DMD: variants seen among roughly 807,000 people sequenced by gnomAD.
The protein encoded by DMD is dystrophin, also known as mutant dystrophin.
Under a neutral mutation model 330.1 loss-of-function variants are expected in DMD, and 63 were observed. The ratio of observed to expected loss-of-function variants is 0.19; its 90% confidence interval spans 0.16 to 0.24. The LOEUF (loss-of-function observed/expected upper bound fraction) is 0.24. Ranked by LOEUF, DMD falls within the 10% of genes least tolerant of loss-of-function variation. The pLI is 1.00. For missense variants in DMD, 3,344 were observed against 2,684.1 expected (o/e 1.25, Z -5.43); for synonymous variants, 1,223 against 959.8 (o/e 1.27, Z -5.07).
chrX:33,163,632 C>CTATGTATCTATG lies in DMD; in HGVS notation c.31+47649_31+47650insCATAGATACATA, dbSNP rs1557282418. Among the ~76,000 whole-genome samples, 7 of 104,048 alleles carry CTATGTATCTATG rather than the reference C, an allele frequency of 6.7e-5. No homozygotes were observed. The East Asian group carries it at 2.1e-3, about 31-fold the overall frequency. 90.4% of individuals were successfully genotyped at this position (104,048 alleles called of 115,157 possible). ...TCTATATCTATCTCTATCTATCTATCTATCTATCTATCTATCTATCTATCT... is the reference window on the plus strand; with the variant it reads ...TCTATATCTATCTCTATCTATCTATCTATGTATCTATGTATCTATCTATCTATCTATCTATCT... On this transcript the variant is annotated intron_variant, in intron 1 of 78. Transcript: ENST00000357033.
chrX:32,142,163 C>T (rs2096756887), intron 44 of DMD, among the ~76,000 whole-genome samples: 1 of 110,992 alleles, frequency 9.0e-6, no homozygotes, highest in African/African-American at 3.3e-5. Context: ...GAGAGGATTA[C>T]CTACCCAAAG....
intron 1 of DMD, among the ~76,000 whole-genome samples, chrX:33,119,134 T>C (rs1293644999): frequency 8.9e-6 from 1 of 112,676 alleles, no homozygotes; most frequent in Admixed American, 9.4e-5. Flanking sequence ...CCTTGAACTT[T>C]ATTGAACATC....
intron 60 of DMD, among the ~76,000 whole-genome samples, chrX:31,381,714 T>C (rs368706330): frequency 1.8e-5 from 2 of 112,084 alleles, no homozygotes; most frequent in East Asian, 5.7e-4. Flanking sequence ...CCACCAGGCC[T>C]AATGGCCACA....
rs140576397 is a variant in DMD at position 33,114,815 on chromosome X, A to G, written c.32-94615T>C. Among the ~76,000 whole-genome samples the G allele has an allele frequency of 2.5e-3, 280 of 112,201 alleles. 7 individuals are homozygous for G. In the East Asian group the frequency reaches 0.073, roughly 29 times the overall value. ...GTGTTTAACACTTTGATAACTCACC[A>G]TACAGAAGTATAGCCTCAGTGTTCC... is the stretch of plus-strand genomic sequence containing the variant. On this transcript the variant is annotated intron_variant, in intron 1 of 78. Transcript: ENST00000357033.
chrX:31,859,920 G>A (rs2952923), intron 48 of DMD, among the ~76,000 whole-genome samples: 47,087 of 110,474 alleles, frequency 0.43, 7,822 homozygotes, highest in African/African-American at 0.58. Context: ...TTTCTGCACC[G>A]CGTTCTGTCT....
chrX:32,664,560 A>C (rs2061182580), intron 9 of DMD, among the ~76,000 whole-genome samples: 1 of 111,753 alleles, frequency 8.9e-6, no homozygotes, highest in Non-Finnish European at 1.9e-5. Flanking sequence ...ATAGTTTTCT[A>C]ATCAACAACA....
chrX:32,870,816 A>G (rs1403494569), intron 2 of DMD, among the ~76,000 whole-genome samples: 1 of 110,439 alleles, frequency 9.1e-6, no homozygotes, highest in Non-Finnish European at 1.9e-5. Flanking sequence ...CACTAACTAT[A>G]AAAACCCTGT....
intron 43 of DMD, among the ~76,000 whole-genome samples, chrX:32,236,130 G>A (rs1040041164): frequency 2.1e-4 from 23 of 111,632 alleles, no homozygotes; most frequent in African/African-American, 4.2e-4. Context: ...TTTAAAGACC[G>A]GTGAAGTGCT....
chrX:32,405,083 T>C (rs1464024915), intron 30 of DMD, among the ~76,000 whole-genome samples: 1 of 111,540 alleles, frequency 9.0e-6, no homozygotes. Flanking sequence ...GAAAATGTCG[T>C]ATGAAAAATA....
intron 1 of DMD, among the ~76,000 whole-genome samples, chrX:33,053,400 C>T (rs1226402375): frequency 9.1e-6 from 1 of 110,217 alleles, no homozygotes; most frequent in African/African-American, 3.3e-5. Context: ...TCGAGACCAG[C>T]CTGGCCAATA....
intron 11 of DMD, among the ~76,000 whole-genome samples, chrX:32,638,554 C>G (rs916639586): frequency 1.5e-4 from 17 of 111,689 alleles, no homozygotes; most frequent in African/African-American, 4.9e-4. Context: ...GACGCTGATG[C>G]TACTGGTCCT....
At chrX:32,944,788 T>C (rs1453159949) in intron 2 of DMD, among the ~76,000 whole-genome samples, 1 of 109,742 alleles carries the variant, frequency 9.1e-6, no homozygotes, top group African/African-American at 3.3e-5. Context: ...TATTTTTAAG[T>C]AGAGGCTGGG....
chrX:33,283,651 T>TA (rs2053377312), intron 1 of DMD, among the ~76,000 whole-genome samples: 1 of 111,322 alleles, frequency 9.0e-6, no homozygotes, highest in Non-Finnish European at 1.9e-5. Flanking sequence ...GTGCCGACAA[T>TA]AAAAATATCT....
intron 11 of DMD, among the ~76,000 whole-genome samples, chrX:32,632,542 G>A (rs1355826287): frequency 8.9e-6 from 1 of 112,636 alleles, no homozygotes; most frequent in Non-Finnish European, 1.9e-5. Flanking sequence ...TGCCCCTGGA[G>A]CAGGCTTCTG....
chrX:33,057,847 C>T (rs1569552082), intron 1 of DMD, among the ~76,000 whole-genome samples: 1 of 111,138 alleles, frequency 9.0e-6, no homozygotes, highest in Non-Finnish European at 1.9e-5. Flanking sequence ...TATAATATTC[C>T]ACGGATATAC....
intron 74 of DMD, among the ~76,000 whole-genome samples, chrX:31,162,356 TAAAAAAAAAA>T (rs57908991): frequency 4.0e-5 from 2 of 50,608 alleles, no homozygotes; most frequent in Admixed American, 2.9e-4. Flanking sequence ...ATGAAAAATC[TAAAAAAAAAA>T]AAAAAAAAAA....
At chrX:32,223,475 G>C (rs751367027) in intron 43 of DMD, among the ~76,000 whole-genome samples, 2 of 111,453 alleles carry the variant, frequency 1.8e-5, no homozygotes, top group East Asian at 5.7e-4. Flanking sequence ...AAGTAGTTTT[G>C]GTTTGGGGCT....
intron 44 of DMD, among the ~76,000 whole-genome samples, chrX:32,177,262 C>T (rs746748650): frequency 8.9e-6 from 1 of 111,951 alleles, no homozygotes; most frequent in African/African-American, 3.2e-5. Flanking sequence ...GTCTCTGAAT[C>T]AAAGCTCTAA....
intron 44 of DMD, among the ~76,000 whole-genome samples, chrX:32,137,158 A>C (rs1169823920): frequency 8.9e-6 from 1 of 112,209 alleles, no homozygotes; most frequent in East Asian, 2.8e-4. Context: ...AAACTATACA[A>C]GTTAATCTTG....
Sources: allele counts gnomAD v4.1 joint callset (sites outside exome capture counted in the v4.1 genomes callset), GRCh38; gene constraint gnomAD v4.1.1; transcripts MANE v1.5; gene names NCBI Gene and HGNC (gene_info 2026-07-23, HGNC 2026-07-21).